TMEM135: variants seen among roughly 807,000 people sequenced by gnomAD.
TMEM135 encodes the protein transmembrane protein 135.
A neutral mutation model predicts 60.3 loss-of-function variants in TMEM135; 30 were observed. The observed-to-expected ratio is 0.50, with a 90% CI of 0.37 to 0.68. The LOEUF (loss-of-function observed/expected upper bound fraction) is 0.68, where lower values mean the gene tolerates loss of function less well. TMEM135 is among the 30% of genes least tolerant of loss of function. TMEM135 has a pLI of 0.00. For synonymous variants in TMEM135, 190 were observed against 186.7 expected (o/e 1.02, Z -0.14); for missense variants, 468 against 548.8 (o/e 0.85, Z 1.47).
Position 87,236,535 on chromosome 11 carries a change from T to C in TMEM135, c.463-103T>C, listed in dbSNP as rs117634648. On this transcript the variant is annotated intron_variant, in intron 5 of 14. Transcript: ENST00000305494. ...TGTGTGACTGGTTTGTATATCCTTT[T>C]ATTGTTTCAGGCACAAGATTTAATA... 5,762 of 965,206 alleles carry C rather than the reference T, an allele frequency of 6.0e-3. 22 individuals are homozygous for C. The highest frequency in any genetic ancestry group is 8.5e-3 in the Non-Finnish European group (5,128 of 600,094). The allele number at this position is 965,206 out of a possible 1,614,324, so 59.8% of individuals were successfully genotyped here.
At chr11:87,195,417 CTCTT>C (rs1414874303) in intron 5 of TMEM135, among the ~76,000 whole-genome samples, 4 of 140,052 alleles carry the variant, frequency 2.9e-5, no homozygotes, top group East Asian at 4.2e-4. Context: ...CTCTGTTTCT[CTCTT>C]TCTTTCTTTC....
At chr11:87,223,166 T>C (rs58830015) in intron 5 of TMEM135, among the ~76,000 whole-genome samples, 25,531 of 150,028 alleles carry the variant, frequency 0.17, 3,018 homozygotes, top group African/African-American at 0.34. Context: ...AAGCACTTTT[T>C]TTTTTTTTTT....
chr11:87,107,485 A>G (rs143298587), intron 4 of TMEM135, among the ~76,000 whole-genome samples: 10 of 148,454 alleles, frequency 6.7e-5, no homozygotes, highest in South Asian at 2.2e-4. Context: ...TCATTGTTCA[A>G]TTCTCACCTA....
chr11:87,314,304 CAAT>C (rs1451046660), intron 11 of TMEM135, among the ~76,000 whole-genome samples, 164 bp from the exon 12 acceptor site: 10 of 151,732 alleles, frequency 6.6e-5, no homozygotes, highest in African/African-American at 2.4e-4. Context: ...TAAAAATATG[CAAT>C]AATATCTCAC....
chr11:87,306,654 G>T (rs1046079756), intron 9 of TMEM135, among the ~76,000 whole-genome samples: 3 of 152,080 alleles, frequency 2.0e-5, no homozygotes, highest in African/African-American at 7.2e-5. Context: ...CTTCTGAGAA[G>T]AAAGTTATTT....
At position 87,151,228 on chromosome 11, in the gene TMEM135, T is replaced by G. The variant is rs137959425; in HGVS notation, c.397-6113T>G. On this transcript the variant is annotated intron_variant, in intron 4 of 14. Transcript: ENST00000305494. ...AATATCCTAGTGTAATTTTGTGTCC[T>G]CTACTCTATTTCTTTGTTTTTCTGT... is the stretch of plus-strand genomic sequence containing the variant. Among the ~76,000 whole-genome samples the G allele has an allele frequency of 1.9e-3, 296 of 152,332 alleles. 1 individual carries two copies. The highest frequency in any genetic ancestry group is 4.1e-3 in the South Asian group (20 of 4,832).
At chr11:87,283,363 T>C (rs1942103927) in intron 6 of TMEM135, among the ~76,000 whole-genome samples, 1 of 151,218 alleles carries the variant, frequency 6.6e-6, no homozygotes, top group Admixed American at 6.6e-5. Flanking sequence ...AAAAAGAGAA[T>C]AGTAGTTTGG....
chr11:87,259,092 G>C (rs614504), intron 6 of TMEM135: 1 of 1,043,802 alleles, frequency 9.6e-7, no homozygotes, highest in South Asian at 1.3e-5. Flanking sequence ...GGTTCTGGCC[G>C]CAGACCGGAC....
intron 6 of TMEM135, among the ~76,000 whole-genome samples, chr11:87,256,938 G>A (rs1941538875): frequency 6.6e-6 from 1 of 151,856 alleles, no homozygotes; most frequent in African/African-American, 2.4e-5. Context: ...ATGTGTATGT[G>A]TATATGTGTA....
At chr11:87,057,111 G>T (rs1314525886) in intron 1 of TMEM135, among the ~76,000 whole-genome samples, 1 of 152,102 alleles carries the variant, frequency 6.6e-6, no homozygotes, top group Admixed American at 6.5e-5. Flanking sequence ...TTGAACATGG[G>T]TATAATATAC....
chr11:87,149,032 T>TTGTGTGTGTGTG (rs553840798), intron 4 of TMEM135, among the ~76,000 whole-genome samples: 131 of 143,690 alleles, frequency 9.1e-4, no homozygotes, highest in African/African-American at 3.1e-3. Flanking sequence ...CCCCATACCT[T>TTGTGTGTGTGTG]TGTGTGTGTG....
At chr11:87,238,437 C>T (rs1205538193) in intron 6 of TMEM135, among the ~76,000 whole-genome samples, 1 of 152,010 alleles carries the variant, frequency 6.6e-6, no homozygotes, top group East Asian at 1.9e-4. Flanking sequence ...AGGACTTGAA[C>T]TGCAAAAGAT....
At position 87,176,307 on chromosome 11, in the gene TMEM135, C is replaced by T. The variant is rs78282755; in HGVS notation, c.462+18901C>T. Among the ~76,000 whole-genome samples, 209 of 152,192 alleles carry T rather than the reference C, an allele frequency of 1.4e-3. 2 individuals carry two copies. In the East Asian group the frequency reaches 0.036, roughly 26 times the overall value. On this transcript the variant is annotated intron_variant, in intron 5 of 14. Transcript: ENST00000305494. The stretch of plus-strand genomic sequence containing the variant: ...CTCCCCATGTGATGTCTTCACATGC[C>T]GGCTCCCCTTTGCCTTCTGTCATGA...
At chr11:87,200,608 T>G (rs967808443) in intron 5 of TMEM135, among the ~76,000 whole-genome samples, 2 of 152,200 alleles carry the variant, frequency 1.3e-5, no homozygotes, top group Non-Finnish European at 2.9e-5. Flanking sequence ...AGACCTTACA[T>G]TGACACATCA....
intron 4 of TMEM135, among the ~76,000 whole-genome samples, chr11:87,097,901 A>C (rs569048464): frequency 4.4e-4 from 67 of 152,250 alleles, no homozygotes; most frequent in Middle Eastern, 3.4e-3. Flanking sequence ...CTGCAGTCCC[A>C]AACCTCTGTA....
intron 6 of TMEM135, among the ~76,000 whole-genome samples, chr11:87,270,893 T>C (rs1941850206): frequency 6.6e-6 from 1 of 152,128 alleles, no homozygotes; most frequent in African/African-American, 2.4e-5. Flanking sequence ...ATGTTAACAA[T>C]ATTTTCTAGT....
intron 7 of TMEM135, among the ~76,000 whole-genome samples, chr11:87,297,224 C>T (rs1942361597): frequency 6.6e-6 from 1 of 152,128 alleles, no homozygotes; most frequent in African/African-American, 2.4e-5. Context: ...TCTTCCCCTC[C>T]ACCCTGCAAT....
intron 4 of TMEM135, among the ~76,000 whole-genome samples, chr11:87,092,892 A>G (rs1035856988): frequency 4.2e-5 from 4 of 95,278 alleles, no homozygotes; most frequent in Non-Finnish European, 8.5e-5. Context: ...TGAAGAATTT[A>G]TTTTTGGCAT....
chr11:87,227,011 T>C (rs1024773664), intron 5 of TMEM135, among the ~76,000 whole-genome samples: 2 of 152,048 alleles, frequency 1.3e-5, no homozygotes, highest in Admixed American at 1.3e-4. Context: ...ATTGCCCCAG[T>C]GTACTCCAGC....
Sources: allele counts gnomAD v4.1 joint callset (sites outside exome capture counted in the v4.1 genomes callset), GRCh38; gene constraint gnomAD v4.1.1; transcripts MANE v1.5; gene names NCBI Gene and HGNC (gene_info 2026-07-23, HGNC 2026-07-21).